Variants in SPECC1 observed in about 807,000 individuals in gnomAD.
The protein encoded by SPECC1 is cytospin-B.
In SPECC1, 62 loss-of-function variants were observed where a neutral mutation model predicts 104.1. The observed-to-expected ratio is 0.60, with a 90% CI of 0.49 to 0.74. SPECC1 has a LOEUF of 0.74. SPECC1 is among the 30% of genes least tolerant of loss of function. SPECC1 has a pLI of 0.00. For synonymous variants in SPECC1, 513 were observed against 501.6 expected, an observed-to-expected ratio of 1.02 and a Z score of -0.30; for missense variants, 1,306 against 1,310.5, an observed-to-expected ratio of 1.00 and a Z score of 0.05.
chr17:20,231,604 A>C (rs908199431), intron 5 of SPECC1, among the ~76,000 whole-genome samples, 154 bp from the exon 6 acceptor site: 2 of 152,180 alleles, frequency 1.3e-5, no homozygotes, highest in African/African-American at 4.8e-5. Flanking sequence ...TTACAGGGTA[A>C]ATTGAAATTG....
intron 1 of SPECC1, among the ~76,000 whole-genome samples, chr17:20,076,482 G>A (rs945542774): frequency 6.6e-6 from 1 of 152,194 alleles, no homozygotes; most frequent in Middle Eastern, 3.2e-3. Flanking sequence ...TTACAGGGAT[G>A]AGCCACTGCA....
At position 20,227,403 on chromosome 17, in the gene SPECC1, T is replaced by C. The variant is rs2038287330; in HGVS notation, c.1864-10T>C. The C allele has an allele frequency of 6.2e-7, 1 of 1,608,660 alleles. No individual in the cohort carries two copies. Among genetic ancestry groups the C allele is most frequent in the Non-Finnish European group, 8.5e-7 (1 of 1,177,576 alleles). On this transcript the variant is annotated splice_polypyrimidine_tract_variant and intron_variant, in intron 4 of 14. Coordinates refer to ENST00000395527, the MANE Select transcript of SPECC1 (RefSeq NM_001243439.2). Reference sequence around the variant, plus strand: ...TGTTAACTGACCAAGGAACCTTCCTTTTATTTTAGGTGGAAAAGGATTATT... The same window carrying C: ...TGTTAACTGACCAAGGAACCTTCCTCTTATTTTAGGTGGAAAAGGATTATT...
intron 1 of SPECC1, among the ~76,000 whole-genome samples, chr17:20,048,754 T>C (rs1452330323): frequency 1.3e-5 from 2 of 151,634 alleles, no homozygotes; most frequent in Non-Finnish European, 1.5e-5. Flanking sequence ...AAAATTAGCA[T>C]GATGGCACGT....
intron 3 of SPECC1, among the ~76,000 whole-genome samples, chr17:20,188,022 A>G (rs1000088451): frequency 6.6e-6 from 1 of 152,198 alleles, no homozygotes; most frequent in African/African-American, 2.4e-5. Context: ...GCCTCATATA[A>G]GGAAGGATTG....
intron 1 of SPECC1, among the ~76,000 whole-genome samples, chr17:20,044,263 A>G (rs1444402641): frequency 6.6e-6 from 1 of 152,178 alleles, no homozygotes; most frequent in East Asian, 1.9e-4. Context: ...GCTAAAAAAA[A>G]GGCTATAACA....
At chr17:20,271,339 T>C (rs898286878) in intron 12 of SPECC1, among the ~76,000 whole-genome samples, 8 of 152,026 alleles carry the variant, frequency 5.3e-5, no homozygotes, top group Non-Finnish European at 8.8e-5. Flanking sequence ...TTATTTCTTT[T>C]TCACTCCCAC....
chr17:20,285,729 TTCCC>T (rs1303531095), intron 12 of SPECC1, among the ~76,000 whole-genome samples: 5 of 151,934 alleles, frequency 3.3e-5, no homozygotes, highest in East Asian at 3.9e-4. Flanking sequence ...ATCAGGGTCC[TTCCC>T]TCCTTGTTTC....
Position 20,317,324 on chromosome 17 carries a change from G to C in SPECC1, c.*3259G>C, listed in dbSNP as rs374558193. On this transcript the variant is annotated 3_prime_UTR_variant, in exon 15 of 15. Coordinates refer to ENST00000395527, the MANE Select transcript of SPECC1 (RefSeq NM_001243439.2). Reference sequence around the variant, plus strand: ...TCTGTCACCCAGGCTAGAGTAGTGTGATCTTGGCTTATTACAACTTCCGCC... The same window carrying C: ...TCTGTCACCCAGGCTAGAGTAGTGTCATCTTGGCTTATTACAACTTCCGCC... The C allele has an allele frequency of 1.4e-4, 20 of 145,956 alleles. No homozygotes were observed. The East Asian group carries it at 3.3e-3, about 24-fold the overall frequency. The allele number at this position is 145,956 out of a possible 1,614,324, so 9.0% of individuals were successfully genotyped here.
chr17:20,246,045 T>C lies in SPECC1; in HGVS notation c.2471T>C (p.Ile824Thr), dbSNP rs763368509. 6 of 1,614,096 alleles carry C rather than the reference T, an allele frequency of 3.7e-6. No individual in the cohort carries two copies. Among genetic ancestry groups the C allele is most frequent in the East Asian group, 4.5e-5 (2 of 44,898 alleles). Reference protein sequence around the residue: ...PESATTVKSLIKSFDLGRPGG... With the variant: ...PESATTVKSLTKSFDLGRPGG... ...TCGGCAACCACCGTTAAGTCACTTA[T>C]CAAGTCATTTGACTTGGGACGCCCA... The change falls in exon 8 of 15, where the codon ATC becomes ACC. Residue 824 changes from isoleucine (I) to threonine (T), a missense_variant. Physicochemically the swap from Ile to Thr is moderately conservative, Grantham distance 89. Coordinates refer to ENST00000395527, the MANE Select transcript of SPECC1 (RefSeq NM_001243439.2).
intron 1 of SPECC1, 44 bp from the exon 2 acceptor site, chr17:20,096,587 G>A: frequency 4.5e-6 from 7 of 1,561,524 alleles, no homozygotes; most frequent in Middle Eastern, 3.5e-4. Context: ...CATGCAGCAG[G>A]TTCAAGTGAT....
chr17:20,152,025 G>C (rs919263335), intron 3 of SPECC1, among the ~76,000 whole-genome samples: 2 of 151,932 alleles, frequency 1.3e-5, no homozygotes, highest in Non-Finnish European at 2.9e-5. Context: ...CCCCAGCTGG[G>C]CCTGGTGGCT....
intron 3 of SPECC1, among the ~76,000 whole-genome samples, chr17:20,162,469 CT>C (rs2033257428): frequency 6.6e-6 from 1 of 152,098 alleles, no homozygotes; most frequent in South Asian, 2.1e-4. Flanking sequence ...TTTCCTCGAG[CT>C]TCAAATTCTT....
chr17:20,099,505 T>C (rs2152508791), intron 2 of SPECC1, among the ~76,000 whole-genome samples: 1 of 124,220 alleles, frequency 8.1e-6, no homozygotes, highest in South Asian at 2.6e-4. Flanking sequence ...AAATCCTGTC[T>C]TTACCCAAAA....
chr17:20,247,312 C>T lies in SPECC1; in HGVS notation c.2591C>T (p.Pro864Leu). The change falls in exon 9 of 15, where the codon CCA (proline) becomes CTA (leucine). Residue 864 changes from proline to leucine, a missense_variant. Pro to Leu is a moderately conservative substitution (Grantham distance 98). Transcript: ENST00000395527. ...VRTAPAAAVS[P>L]MQRHSTYSSV... is the part of the protein sequence containing the mutation. ...ACTGCTCCAGCAGCTGCTGTCTCTC[C>T]AATGCAGGTAGATGAGCCCCAGAAA... 1 of 1,612,190 alleles carries T rather than the reference C, an allele frequency of 6.2e-7. No homozygotes were observed. Among genetic ancestry groups the T allele is most frequent in the Non-Finnish European group, 8.5e-7 (1 of 1,178,654 alleles).
intron 1 of SPECC1, among the ~76,000 whole-genome samples, chr17:20,031,918 CT>C (rs1212242766): frequency 6.6e-6 from 1 of 152,150 alleles, no homozygotes; most frequent in Non-Finnish European, 1.5e-5. Flanking sequence ...CCTTGGGTTG[CT>C]TCTACCTTTT....
At chr17:20,029,049 G>T (rs890397250) in intron 1 of SPECC1, among the ~76,000 whole-genome samples, 1 of 152,068 alleles carries the variant, frequency 6.6e-6, no homozygotes, top group Non-Finnish European at 1.5e-5. Context: ...GGCATGAACC[G>T]CCACCCCCAG....
At chr17:20,013,972 G>C (rs749586155) in intron 1 of SPECC1, among the ~76,000 whole-genome samples, 13 of 152,162 alleles carry the variant, frequency 8.5e-5, no homozygotes, top group Non-Finnish European at 1.5e-4. Flanking sequence ...GTGCATTTCT[G>C]TTGAGTGTGT....
At position 20,205,780 on chromosome 17, in the gene SPECC1, C is replaced by T. The variant is rs1319993385; in HGVS notation, c.1731C>T (p.Ser577=). 4.3e-6 allele frequency: 7 copies of T among 1,614,162 alleles called. No individual in the cohort carries two copies. Among genetic ancestry groups the T allele is most frequent in the African/African-American group, 1.3e-5 (1 of 75,046 alleles). ...GTGCTGTGGAGCAGACGGCAGAGAG[C>T]TGCGAAGTTCAAGAAATGTTGAAAG... ...EASAVEQTAE[S]CEVQEMLKVA... Residue 577 remains serine (S), a synonymous_variant, in exon 4 of 15, where the codon AGC becomes AGT. Transcript: ENST00000395527.
chr17:20,085,500 G>A (rs1318268072), intron 1 of SPECC1, among the ~76,000 whole-genome samples: 1 of 152,164 alleles, frequency 6.6e-6, no homozygotes, highest in African/African-American at 2.4e-5. Context: ...GGAGCAGCCT[G>A]CAAAATTATC....
Sources: allele counts gnomAD v4.1 joint callset (sites outside exome capture counted in the v4.1 genomes callset), GRCh38; gene constraint gnomAD v4.1.1; transcripts MANE v1.5; gene names NCBI Gene and HGNC (gene_info 2026-07-23, HGNC 2026-07-21).